ERICH3: variants seen among roughly 807,000 people sequenced by gnomAD.
The protein encoded by ERICH3 is glutamate-rich protein 3.
ERICH3 carries 126 observed loss-of-function variants against 131.1 expected under a neutral mutation model. The ratio of observed to expected loss-of-function variants is 0.96; its 90% CI spans 0.83 to 1.11. The LOEUF is 1.11. Among genes scored for constraint, ERICH3 ranks in the 50% most tolerant of loss-of-function variants. The pLI is 0.00. For synonymous variants in ERICH3, 695 were observed against 644.6 expected (o/e 1.08, Z -1.18); for missense variants, 2,050 against 1,810.7 (o/e 1.13, Z -2.40).
intron 1 of ERICH3, among the ~76,000 whole-genome samples, chr1:74,666,649 T>C (rs984325752): frequency 6.6e-6 from 1 of 152,204 alleles, no homozygotes; most frequent in Non-Finnish European, 1.5e-5. Flanking sequence ...AAGAGAGTGA[T>C]TTTAGAGCTT....
chr1:74,572,537 C>G lies in ERICH3; in HGVS notation c.3173G>C (p.Arg1058Thr). 1 of 1,614,160 alleles carries G rather than the reference C, an allele frequency of 6.2e-7. No homozygotes were observed. Among genetic ancestry groups the G allele is most frequent in the Non-Finnish European group, 8.5e-7 (1 of 1,180,034 alleles). Residue 1058 changes from arginine to threonine, a missense_variant, in exon 14 of 15, where the codon AGA (arginine) becomes ACA (threonine). By Grantham distance (71) the Arg-to-Thr change is moderately conservative. Transcript: ENST00000326665. ...TGGCCTCTCAGCTTTCCTTCGCTCT[C>G]TTGCTAAATCTAATTCCTTGGGTAA... ...EILPKELDLA[R>T]ERRKAERPKT...
intron 9 of ERICH3, among the ~76,000 whole-genome samples, chr1:74,610,709 C>T (rs1648649470): frequency 6.6e-6 from 1 of 151,952 alleles, no homozygotes; most frequent in African/African-American, 2.4e-5. Context: ...AAAAACTTCT[C>T]TATAGTCTCC....
intron 8 of ERICH3, 27 bp from the exon 9 acceptor site, chr1:74,612,836 T>C (rs1305390428): frequency 2.0e-6 from 3 of 1,519,954 alleles, no homozygotes; most frequent in Admixed American, 3.6e-5. Context: ...AATACATTAG[T>C]GAAAGCAACT....
At chr1:74,641,294 T>A (rs1646435037) in intron 5 of ERICH3, 37 bp downstream of exon 5, 1 of 1,599,896 alleles carries the variant, frequency 6.3e-7, no homozygotes, top group African/African-American at 1.4e-5. Flanking sequence ...ATTAATTAGC[T>A]GGGATACTGC....
Position 74,571,554 on chromosome 1 carries a change from T to G in ERICH3, c.4156A>C (p.Thr1386Pro). The G allele has an allele frequency of 6.2e-7, 1 of 1,614,130 alleles. No individual in the cohort carries two copies. The highest frequency in any genetic ancestry group is 8.5e-7 in the Non-Finnish European group (1 of 1,180,006). ...ACTAACTCATCCTGTTGGTGCCAGG[T>G]TTCTTCCTCAGCAACATCTGAAAAG... is the stretch of plus-strand genomic sequence containing the variant. ...SSFSDVAEEETWHQQDELVGK... is the reference protein window; with the variant it reads ...SSFSDVAEEEPWHQQDELVGK... The change falls in exon 14 of 15, where the codon ACC becomes CCC. Residue 1386 changes from threonine (T) to proline (P), a missense_variant. Transcript: ENST00000326665.
chr1:74,586,289 A>G lies in ERICH3; in HGVS notation c.2176+3342T>C, dbSNP rs953392909. On this transcript the variant is annotated intron_variant, in intron 12 of 14. Transcript: ENST00000326665. ...AAAAGCAAGTCTCAGAACAAAATGT[A>G]TAGTATGTTTCCATCTATACATAAA... 2.3e-5 allele frequency: 15 copies of G among 658,948 alleles called. No homozygotes were observed. The African/African-American group carries it at 2.8e-4, about 12-fold the overall frequency. The allele number at this position is 658,948 out of a possible 1,614,324, so 40.8% of individuals were successfully genotyped here. A position where few individuals can be genotyped will look rare whatever the true frequency, so the allele number is the denominator to read the frequency against.
At chr1:74,598,932 T>C (rs1352362919) in intron 11 of ERICH3, among the ~76,000 whole-genome samples, 1 of 151,858 alleles carries the variant, frequency 6.6e-6, no homozygotes, top group Non-Finnish European at 1.5e-5. Context: ...AAACAATAAA[T>C]TGGCATACCA....
chr1:74,572,755 T>C lies in ERICH3; in HGVS notation c.2955A>G (p.Lys985=), dbSNP rs747791714. The C allele has an allele frequency of 6.2e-7, 1 of 1,613,964 alleles. No homozygotes were observed. The highest frequency in any genetic ancestry group is 2.2e-5 in the East Asian group (1 of 44,848). Reference sequence around the variant, plus strand: ...AGCGTGTTTCTGTTCTCATAACCTCTTTTCTCTCTTTGGCTGGTTCCTCTC... The same window carrying C: ...AGCGTGTTTCTGTTCTCATAACCTCCTTTCTCTCTTTGGCTGGTTCCTCTC... The part of the protein sequence containing the change: ...LGGEEPAKER[K]EVMRTETRLS... Residue 985 remains lysine (K), a synonymous_variant, in exon 14 of 15, where the codon AAA becomes AAG. Coordinates refer to ENST00000326665, the MANE Select transcript of ERICH3 (RefSeq NM_001002912.5).
At chr1:74,593,088 A>G (rs1647683634) in intron 11 of ERICH3, among the ~76,000 whole-genome samples, 2 of 152,142 alleles carry the variant, frequency 1.3e-5, no homozygotes. Flanking sequence ...GTGATGCTAT[A>G]AGAACCTGCT....
At chr1:74,579,938 T>A (rs2100542336) in intron 12 of ERICH3, 2 of 939,892 alleles carry the variant, frequency 2.1e-6, no homozygotes, top group Non-Finnish European at 2.5e-6. Flanking sequence ...TCAAATGATA[T>A]AATGATACTT....
At position 74,620,904 on chromosome 1, in the gene ERICH3, C is replaced by T. The variant is rs758213012; in HGVS notation, c.830G>A (p.Arg277Lys). The T allele has an allele frequency of 2.8e-5, 44 of 1,582,594 alleles. No homozygotes were observed. The highest frequency in any genetic ancestry group is 1.7e-6 in the Non-Finnish European group (2 of 1,166,092). The stretch of plus-strand genomic sequence containing the variant: ...ACTATGTAAGGATGTTTTATGAATC[C>T]TTCTTGAATCCTGAAATAAACAGAA... ...LEPLLTKDSR[R>K]IHKTSLHSNA... The change falls in exon 8 of 15, where the codon AGG becomes AAG. Residue 277 changes from arginine to lysine, a missense_variant. Physicochemically the swap from Arg to Lys is conservative, Grantham distance 26. Transcript: ENST00000326665.
intron 1 of ERICH3, among the ~76,000 whole-genome samples, chr1:74,660,183 T>C (rs1370246266): frequency 1.3e-5 from 2 of 152,080 alleles, no homozygotes; most frequent in Admixed American, 6.6e-5. Context: ...CCTGCCACCA[T>C]GTGAGGAAGG....
intron 4 of ERICH3, among the ~76,000 whole-genome samples, chr1:74,641,884 T>C (rs1308447833): frequency 1.3e-5 from 2 of 152,138 alleles, no homozygotes; most frequent in Admixed American, 6.6e-5. Context: ...GTGAAAATTG[T>C]TCAAATAAAA....
intron 9 of ERICH3, among the ~76,000 whole-genome samples, chr1:74,611,841 C>G (rs939446031): frequency 2.0e-5 from 3 of 152,176 alleles, no homozygotes; most frequent in African/African-American, 7.2e-5. Context: ...TCTCCCTTCA[C>G]TCCATGTATC....
intron 1 of ERICH3, among the ~76,000 whole-genome samples, chr1:74,662,883 G>T (rs936912444): frequency 6.6e-6 from 1 of 152,114 alleles, no homozygotes; most frequent in Non-Finnish European, 1.5e-5. Context: ...AGGCATGGTG[G>T]CTCACGCCTG....
intron 12 of ERICH3, among the ~76,000 whole-genome samples, chr1:74,585,285 G>T (rs886655618): frequency 6.6e-6 from 1 of 152,246 alleles, no homozygotes; most frequent in African/African-American, 2.4e-5. Flanking sequence ...TAACACCCAA[G>T]AACACTGTCT....
chr1:74,627,096 C>T (rs145894297), intron 7 of ERICH3, among the ~76,000 whole-genome samples: 34 of 152,102 alleles, frequency 2.2e-4, no homozygotes, highest in Admixed American at 5.9e-4. Flanking sequence ...TCTAAATAAA[C>T]GAAACTCAAG....
rs149908894 is a variant in ERICH3 at position 74,641,442 on chromosome 1, C to G, written c.333G>C (p.Arg111Ser). 5.6e-6 allele frequency: 9 copies of G among 1,611,218 alleles called. No homozygotes were observed. Among genetic ancestry groups the G allele is most frequent in the Non-Finnish European group, 7.6e-6 (9 of 1,178,984 alleles). ...GGATTGGCATGTTATTTTCAACAGA[C>G]CTTCTTGTGTGCTCTCCCTAGAATA... ...IQRFKGEHTR[R>S]SVENNMPILS... Residue 111 changes from arginine to serine, a missense_variant, in exon 5 of 15, where the codon AGG (arginine) becomes AGC (serine). Transcript: ENST00000326665.
rs568931447 is a variant in ERICH3, at chr1:74,632,615, C to A, written c.604-687G>T. 1.4e-3 allele frequency among the ~76,000 whole-genome samples: 220 copies of A among 151,924 alleles called. 1 individual carries two copies. The highest frequency in any genetic ancestry group is 0.01 in the Middle Eastern group (3 of 294). ...AAGTTAATTGCACAAAATGTAACAT[C>A]ATATAAGTCCATCAATAGGAAGATG... On this transcript the variant is annotated intron_variant, in intron 6 of 14. Coordinates refer to ENST00000326665, the MANE Select transcript of ERICH3 (RefSeq NM_001002912.5).
Sources: allele counts gnomAD v4.1 joint callset (sites outside exome capture counted in the v4.1 genomes callset), GRCh38; gene constraint gnomAD v4.1.1; transcripts MANE v1.5; gene names NCBI Gene and HGNC (gene_info 2026-07-23, HGNC 2026-07-21).